CNTN6: variants seen among roughly 807,000 people sequenced by gnomAD.
The protein encoded by CNTN6 is contactin-6.
A neutral mutation model predicts 122.8 loss-of-function variants in CNTN6; 137 were observed. The ratio of observed to expected loss-of-function variants is 1.12; its 90% CI spans 0.97 to 1.29. The LOEUF (loss-of-function observed/expected upper bound fraction) is 1.29. Among genes scored for constraint, CNTN6 ranks in the 50% most tolerant of loss-of-function variants. The probability of loss-of-function intolerance (pLI) is 0.00; values close to 1 mark genes in which losing one functional copy is unlikely to be tolerated. For synonymous variants in CNTN6, 570 were observed against 426.0 expected, an observed-to-expected ratio of 1.34 and a Z score of -4.16; for missense variants, 1,634 against 1,223.4, an observed-to-expected ratio of 1.34 and a Z score of -5.01.
intron 4 of CNTN6, among the ~76,000 whole-genome samples, chr3:1,236,381 G>T (rs147279696): frequency 5.3e-4 from 80 of 152,220 alleles, no homozygotes; most frequent in African/African-American, 1.8e-3. Flanking sequence ...ATCCACAGCT[G>T]CAAGACCTAA....
intron 1 of CNTN6, among the ~76,000 whole-genome samples, chr3:1,134,364 C>T: frequency 6.6e-6 from 1 of 152,002 alleles, no homozygotes. Context: ...GATTCCTGGC[C>T]CAGTGTTCTT....
At chr3:1,260,497 A>G (rs537073262) in intron 4 of CNTN6, among the ~76,000 whole-genome samples, 2 of 152,106 alleles carry the variant, frequency 1.3e-5, no homozygotes, top group Admixed American at 6.6e-5. Flanking sequence ...TTTTTGTAGC[A>G]GTAACCACAT....
chr3:1,272,803 A>G lies in CNTN6; in HGVS notation c.359-5610A>G, dbSNP rs531074412. On this transcript the variant is annotated intron_variant, in intron 4 of 22. Coordinates refer to ENST00000446702, the MANE Select transcript of CNTN6 (RefSeq NM_001289080.2). ...CCTCAGGCCTTGGCAGCAAATGTAC[A>G]GTTTTCTTGCTTTAATTAGGCTGAG... is the stretch of plus-strand genomic sequence containing the variant. Among the ~76,000 whole-genome samples the G allele has an allele frequency of 9.2e-5, 14 of 152,284 alleles. No individual in the cohort carries two copies. The East Asian group carries it at 2.3e-3, about 25-fold the overall frequency.
chr3:1,276,880 C>T (rs555148308), intron 4 of CNTN6, among the ~76,000 whole-genome samples: 1 of 152,142 alleles, frequency 6.6e-6, no homozygotes, highest in Non-Finnish European at 1.5e-5. Flanking sequence ...CACTCAAATA[C>T]CCGGGTGAAT....
chr3:1,341,315 A>G (rs1383832827), intron 11 of CNTN6, among the ~76,000 whole-genome samples: 1 of 151,954 alleles, frequency 6.6e-6, no homozygotes, highest in Non-Finnish European at 1.5e-5. Flanking sequence ...ATATGAATCT[A>G]TGTTAATTCT....
intron 10 of CNTN6, among the ~76,000 whole-genome samples, chr3:1,327,958 T>C (rs1470296681): frequency 2.6e-5 from 4 of 151,810 alleles, no homozygotes; most frequent in Non-Finnish European, 5.9e-5. Flanking sequence ...ATTTATTTTA[T>C]CTCTTAGCAA....
At chr3:1,301,076 G>A (rs367742661) in intron 7 of CNTN6, among the ~76,000 whole-genome samples, 2 of 124,792 alleles carry the variant, frequency 1.6e-5, no homozygotes, top group Non-Finnish European at 3.1e-5. Context: ...TAACTCTGTC[G>A]CCCAGGCTGG....
intron 4 of CNTN6, among the ~76,000 whole-genome samples, chr3:1,256,300 G>A (rs1465109941): frequency 6.6e-6 from 1 of 152,118 alleles, no homozygotes; most frequent in African/African-American, 2.4e-5. Flanking sequence ...TGAAAGTGTG[G>A]GTGAGAGGTA....
chr3:1,339,342 A>T (rs1330100161), intron 11 of CNTN6, among the ~76,000 whole-genome samples: 1 of 152,130 alleles, frequency 6.6e-6, no homozygotes, highest in East Asian at 1.9e-4. Flanking sequence ...GACAAATCTG[A>T]TTCTCAAGTG....
intron 2 of CNTN6, among the ~76,000 whole-genome samples, chr3:1,186,219 T>C (rs1447551670): frequency 6.6e-6 from 1 of 152,178 alleles, no homozygotes; most frequent in Non-Finnish European, 1.5e-5. Flanking sequence ...GTTGTTAGAA[T>C]TGAGTCACAG....
At chr3:1,216,586 A>G (rs2094133776) in intron 2 of CNTN6, among the ~76,000 whole-genome samples, 1 of 152,200 alleles carries the variant, frequency 6.6e-6, no homozygotes, top group Non-Finnish European at 1.5e-5. Flanking sequence ...CAGGAACACT[A>G]AAATATATGA....
intron 2 of CNTN6, among the ~76,000 whole-genome samples, chr3:1,202,279 G>T (rs2125433188): frequency 6.6e-6 from 1 of 152,292 alleles, no homozygotes; most frequent in Admixed American, 6.5e-5. Context: ...GGTGGCTCAC[G>T]CCTGTAATCC....
At chr3:1,390,444 C>T (rs1442867882) in intron 20 of CNTN6, among the ~76,000 whole-genome samples, 1,527 of 150,972 alleles carry the variant, frequency 0.01, 24 homozygotes, top group African/African-American at 0.036. Context: ...ACTAAATGCC[C>T]ACAAGAGAAA....
intron 7 of CNTN6, among the ~76,000 whole-genome samples, chr3:1,299,359 TGAAA>T (rs1373650440): frequency 5.9e-5 from 9 of 152,102 alleles, no homozygotes; most frequent in Non-Finnish European, 1.3e-4. Context: ...AGAAAACCAA[TGAAA>T]GAGAGTATCT....
chr3:1,260,367 T>C (rs2094825869), intron 4 of CNTN6, among the ~76,000 whole-genome samples: 1 of 152,108 alleles, frequency 6.6e-6, no homozygotes, highest in Non-Finnish European at 1.5e-5. Flanking sequence ...TCTTAGTGTC[T>C]AGAGGTGAGT....
chr3:1,157,448 C>T (rs1205639340), intron 2 of CNTN6, among the ~76,000 whole-genome samples: 3 of 152,034 alleles, frequency 2.0e-5, no homozygotes, highest in Non-Finnish European at 4.4e-5. Context: ...AACTCCTGAC[C>T]TCAGGTGATC....
chr3:1,279,027 A>G (rs888184383), intron 5 of CNTN6, among the ~76,000 whole-genome samples: 3 of 152,240 alleles, frequency 2.0e-5, no homozygotes, highest in Non-Finnish European at 4.4e-5. Flanking sequence ...GGCTCTATGG[A>G]GAAGCAAATT....
intron 11 of CNTN6, among the ~76,000 whole-genome samples, chr3:1,344,370 C>A (rs1389000642): frequency 6.6e-6 from 1 of 152,102 alleles, no homozygotes; most frequent in Non-Finnish European, 1.5e-5. Flanking sequence ...AGAGAAACCA[C>A]TTGGGAACAG....
At chr3:1,393,419 A>AG (rs1392907024) in intron 20 of CNTN6, among the ~76,000 whole-genome samples, 1 of 86,256 alleles carries the variant, frequency 1.2e-5, no homozygotes, top group African/African-American at 4.7e-5. Flanking sequence ...AGGTGGGGGG[A>AG]GGGGGGAGGG....
Sources: allele counts gnomAD v4.1 joint callset (sites outside exome capture counted in the v4.1 genomes callset), GRCh38; gene constraint gnomAD v4.1.1; transcripts MANE v1.5; gene names NCBI Gene and HGNC (gene_info 2026-07-23, HGNC 2026-07-21).